SMARCAD1: variants seen among roughly 807,000 people sequenced by gnomAD.
The protein encoded by SMARCAD1 is SWI/SNF-related matrix-associated actin-dependent regulator of chromatin subfamily A containing DEAD/H box 1.
SMARCAD1 carries 25 observed loss-of-function variants against 127.1 expected under a neutral mutation model. The observed-to-expected ratio is 0.20, with a 90% confidence interval of 0.14 to 0.27. The LOEUF (loss-of-function observed/expected upper bound fraction) is 0.27. Among genes scored for constraint, SMARCAD1 ranks in the 10% least tolerant of loss-of-function variants. SMARCAD1 has a pLI of 1.00. For synonymous variants in SMARCAD1, 400 were observed against 396.9 expected (o/e 1.01, Z -0.09); for missense variants, 807 against 1,206.0 (o/e 0.67, Z 4.90).
chr4:94,245,522 A>G (rs1342884743), intron 6 of SMARCAD1, among the ~76,000 whole-genome samples: 1 of 152,220 alleles, frequency 6.6e-6, no homozygotes, highest in African/African-American at 2.4e-5. Context: ...TTTATTCTTT[A>G]TATTTTAAGT....
At chr4:94,231,062 GT>G (rs1745761042) in intron 3 of SMARCAD1, among the ~76,000 whole-genome samples, 1 of 152,198 alleles carries the variant, frequency 6.6e-6, no homozygotes, top group Non-Finnish European at 1.5e-5. Context: ...GTTTCACTGA[GT>G]TGTTGTGCGA....
At position 94,232,112 on chromosome 4, in the gene SMARCAD1, G is replaced by A. The variant is rs141625950; in HGVS notation, c.369-1842G>A. Among the ~76,000 whole-genome samples the A allele has an allele frequency of 7.5e-3, 1,146 of 152,174 alleles. 7 individuals carry two copies. The highest frequency in any genetic ancestry group is 0.026 in the African/African-American group (1,069 of 41,514). ...TCCTGACTTCAGGTAATCCACCCAC[G>A]TCGGCCTCCCAGAGTGCTGGGATTA... On this transcript the variant is annotated intron_variant, in intron 3 of 23. Coordinates refer to ENST00000354268, the MANE Select transcript of SMARCAD1 (RefSeq NM_020159.5).
chr4:94,226,299 A>G lies in SMARCAD1; in HGVS notation c.368+3A>G. On this transcript the variant is annotated splice_donor_region_variant and intron_variant, in intron 3 of 23. Transcript: ENST00000354268. ...AACAAAGATACAGTGATTATAGTGT[A>G]AGCTGATTAATAGATATATTGTATT... The G allele has an allele frequency of 1.9e-6, 3 of 1,606,896 alleles. No homozygotes were observed. The highest frequency in any genetic ancestry group is 2.6e-6 in the Non-Finnish European group (3 of 1,173,748).
chr4:94,237,909 T>C (rs1322057815), intron 5 of SMARCAD1, among the ~76,000 whole-genome samples: 1 of 152,194 alleles, frequency 6.6e-6, no homozygotes, highest in Non-Finnish European at 1.5e-5. Context: ...GCAAAGTGTA[T>C]GCACATTTTA....
intron 14 of SMARCAD1, 37 bp from the exon 15 acceptor site, chr4:94,276,302 G>C: frequency 6.2e-7 from 1 of 1,612,318 alleles, no homozygotes; most frequent in Non-Finnish European, 8.5e-7. Context: ...AGCTCTTAAA[G>C]GTATAACCTT....
chr4:94,213,174 A>G, intron 2 of SMARCAD1: 3 of 1,171,016 alleles, frequency 2.6e-6, no homozygotes, highest in Non-Finnish European at 3.4e-6. Context: ...TATAGTTAAA[A>G]TAGTATGGTG....
chr4:94,249,708 A>G lies in SMARCAD1; in HGVS notation c.760A>G (p.Ser254Gly). ...TAGCAGTAATTGGGAAAAGCAGGAA[A>G]GTATTGTACTGAAATTGCAAAAGGA... is the stretch of plus-strand genomic sequence containing the variant. Reference protein sequence around the residue: ...ESSSNWEKQESIVLKLQKEFP... With the variant: ...ESSSNWEKQEGIVLKLQKEFP... Residue 254 changes from serine (S) to glycine (G), a missense_variant, in exon 7 of 24, where the codon AGT becomes GGT. This residue lies in a region of SMARCAD1 where 257 missense variants were observed against 303.4 expected (regional missense o/e 0.85). Transcript: ENST00000354268. The G allele has an allele frequency of 2.5e-6, 4 of 1,610,824 alleles. No homozygotes were observed. The highest frequency in any genetic ancestry group is 3.4e-6 in the Non-Finnish European group (4 of 1,177,310).
intron 9 of SMARCAD1, among the ~76,000 whole-genome samples, chr4:94,255,683 C>T (rs766343853): frequency 4.6e-5 from 7 of 151,784 alleles, no homozygotes; most frequent in Non-Finnish European, 1.0e-4. Flanking sequence ...GATAATTATG[C>T]TTTTTGAAAC....
rs1281085965 is a variant in SMARCAD1, at chr4:94,281,520, T to G, written c.2656T>G (p.Leu886Val). The part of the protein sequence containing the change: ...FSQFTMMLDI[L>V]EVLLKHHQHR... ...CCAATTTACCATGATGCTGGATATC[T>G]TAGAGGTTCTATTAAAACATCATCA... Residue 886 changes from leucine to valine, a missense_variant, in exon 21 of 24, where the codon TTA becomes GTA. By Grantham distance (32) the Leu-to-Val change is conservative. Transcript: ENST00000354268. The G allele has an allele frequency of 6.2e-7, 1 of 1,613,324 alleles. No individual in the cohort carries two copies. Among genetic ancestry groups the G allele is most frequent in the Admixed American group, 1.7e-5 (1 of 60,008 alleles).
In SMARCAD1 at chr4:94,207,892, A is replaced by G. The variant is rs967683773; in HGVS notation, c.-228A>G. The G allele has an allele frequency of 3.0e-6, 1 of 333,438 alleles. No individual in the cohort carries two copies. Among genetic ancestry groups the G allele is most frequent in the Non-Finnish European group, 5.9e-6 (1 of 170,444 alleles). The allele number at this position is 333,438 out of a possible 1,614,324, so 20.7% of individuals were successfully genotyped here. On this transcript the variant is annotated 5_prime_UTR_variant, in exon 1 of 24. Transcript: ENST00000354268. The stretch of plus-strand genomic sequence containing the variant: ...GTCAACTTCCGGGCGGATGCCCGCC[A>G]GCACGGCCTCCGCCGCTCCCCTTCT...
intron 16 of SMARCAD1, 107 bp from the exon 17 acceptor site, chr4:94,278,315 A>G: frequency 1.0e-6 from 1 of 992,318 alleles, no homozygotes; most frequent in East Asian, 2.5e-5. Context: ...TTCTGCAGAA[A>G]ATAACTCAGA....
Position 94,280,642 on chromosome 4 carries a change from A to T in SMARCAD1, c.2469A>T (p.Glu823Asp), listed in dbSNP as rs377604717. The change falls in exon 20 of 24, where the codon GAA becomes GAT. Residue 823 changes from glutamate to aspartate, a missense_variant. Glu to Asp is a conservative substitution (Grantham distance 45). This residue lies in a region of SMARCAD1 where 99 missense variants were observed against 126.0 expected (regional missense o/e 0.79). Transcript: ENST00000354268. ...ANPDLIFEDM[E>D]VMTDFELHVL... Reference sequence around the variant, plus strand: ...CTGACCTGATCTTTGAAGATATGGAAGTTATGACAGACTTCGAACTACATG... The same window carrying T: ...CTGACCTGATCTTTGAAGATATGGATGTTATGACAGACTTCGAACTACATG... The T allele has an allele frequency of 1.2e-6, 2 of 1,613,748 alleles. No homozygotes were observed. The highest frequency in any genetic ancestry group is 1.3e-5 in the African/African-American group (1 of 74,920).
chr4:94,257,035 CTG>C (rs1187004723), intron 9 of SMARCAD1, among the ~76,000 whole-genome samples: 2 of 152,060 alleles, frequency 1.3e-5, no homozygotes, highest in African/African-American at 4.8e-5. Flanking sequence ...GAGTGACACA[CTG>C]TGGCAAGAGA....
chr4:94,210,678 G>A (rs1455005844), intron 2 of SMARCAD1, among the ~76,000 whole-genome samples: 2 of 152,114 alleles, frequency 1.3e-5, no homozygotes, highest in Non-Finnish European at 2.9e-5. Context: ...GGTGGCTGAA[G>A]CCTGTAATCC....
chr4:94,239,475 T>C (rs1375158663), intron 5 of SMARCAD1, among the ~76,000 whole-genome samples: 2 of 152,090 alleles, frequency 1.3e-5, no homozygotes, highest in African/African-American at 2.4e-5. Flanking sequence ...AACAAAAAAA[T>C]GTATATCCAA....
At position 94,290,923 on chromosome 4, in the gene SMARCAD1, C is replaced by G. The variant is rs748035338; in HGVS notation, c.*1389C>G. ...ATTTGGAAGGCAAATAAAACTCTTA[C>G]AGTGATTATTTAGATATTAAAGACT... On this transcript the variant is annotated 3_prime_UTR_variant, in exon 24 of 24. Coordinates refer to ENST00000354268, the MANE Select transcript of SMARCAD1 (RefSeq NM_020159.5). The G allele has an allele frequency of 6.6e-6, 3 of 453,790 alleles. No individual in the cohort carries two copies. Among genetic ancestry groups the G allele is most frequent in the Non-Finnish European group, 1.3e-5 (3 of 226,610 alleles). 28.1% of individuals were successfully genotyped at this position (453,790 alleles called of 1,614,324 possible).
intron 23 of SMARCAD1, among the ~76,000 whole-genome samples, chr4:94,288,361 TCTC>T (rs1755249034): frequency 6.6e-6 from 1 of 152,142 alleles, no homozygotes; most frequent in African/African-American, 2.4e-5. Flanking sequence ...TTTAAAAGAA[TCTC>T]CTTATTCTTT....
chr4:94,213,242 T>A, intron 2 of SMARCAD1: 1 of 481,406 alleles, frequency 2.1e-6, no homozygotes, highest in Non-Finnish European at 3.3e-6. Flanking sequence ...TATCTGTAAT[T>A]CACAAATGAT....
At chr4:94,289,435 T>C (rs1181353832) in intron 23 of SMARCAD1, 38 bp from the exon 24 acceptor site, 2 of 1,563,082 alleles carry the variant, frequency 1.3e-6, no homozygotes, top group African/African-American at 2.7e-5. Context: ...AAGTAAAATA[T>C]TTTTATAAAG....
Sources: gnomAD v4.1 joint callset for allele counts (sites outside exome capture counted in the v4.1 genomes callset) on GRCh38, gnomAD v4.1.1 for gene constraint, gnomAD v4.1.1 regional missense constraint, MANE v1.5 for transcripts, NCBI Gene and HGNC (gene_info 2026-07-23, HGNC 2026-07-21) for gene names.